The following WDFY2 variants were observed in gnomAD, a reference collection of about 807,000 sequenced individuals.
The protein encoded by WDFY2 is WD repeat and FYVE domain containing 2, also known as WD repeat and FYVE domain-containing protein 2.
In WDFY2, 36 loss-of-function variants were observed where a neutral mutation model predicts 56.4. That is an observed-to-expected ratio of 0.64 (90% CI 0.49 to 0.84). The LOEUF (loss-of-function observed/expected upper bound fraction) is 0.84. Among genes scored for constraint, WDFY2 ranks in the 40% least tolerant of loss-of-function variants. The pLI, the probability that WDFY2 is intolerant of heterozygous loss-of-function variation, is 0.00. For synonymous variants in WDFY2, 176 were observed against 183.7 expected, an observed-to-expected ratio of 0.96 and a Z score of 0.34; for missense variants, 444 against 512.2, an observed-to-expected ratio of 0.87 and a Z score of 1.29.
intron 1 of WDFY2, among the ~76,000 whole-genome samples, chr13:51,648,721 G>A (rs566195725): frequency 7.2e-5 from 11 of 152,188 alleles, no homozygotes; most frequent in South Asian, 2.1e-4. Context: ...CATGTATCCC[G>A]GAACTTAAAG....
At chr13:51,653,952 A>T (rs1459009544) in intron 1 of WDFY2, among the ~76,000 whole-genome samples, 1 of 152,206 alleles carries the variant, frequency 6.6e-6, no homozygotes, top group Admixed American at 6.5e-5. Flanking sequence ...GGGACATGTA[A>T]GTCTGCAGAG....
chr13:51,709,137 G>A (rs1300026582), intron 4 of WDFY2, among the ~76,000 whole-genome samples: 1 of 152,160 alleles, frequency 6.6e-6, no homozygotes, highest in East Asian at 1.9e-4. Context: ...CAGCAGACTT[G>A]AACAAAACAG....
rs1952752014 is a variant in WDFY2 at position 51,732,767 on chromosome 13, A to G, written c.598+4977A>G. On this transcript the variant is annotated intron_variant, in intron 6 of 11. Coordinates refer to ENST00000298125, the MANE Select transcript of WDFY2 (RefSeq NM_052950.4). The stretch of plus-strand genomic sequence containing the variant: ...ATAAAGTGCAGGTCAAGAGATGTGA[A>G]TTGTCATCCATAGTCAGTCATCCGC... 2.0e-5 allele frequency among the ~76,000 whole-genome samples: 3 copies of G among 152,220 alleles called. No homozygotes were observed. In the South Asian group the frequency reaches 6.2e-4, roughly 32 times the overall value.
chr13:51,725,596 A>G (rs374030875), intron 5 of WDFY2, among the ~76,000 whole-genome samples: 48 of 152,008 alleles, frequency 3.2e-4, no homozygotes, highest in Non-Finnish European at 4.7e-4. Flanking sequence ...TGATAGGTTC[A>G]TTCATTTTAC....
chr13:51,636,559 G>C (rs538020368), intron 1 of WDFY2, among the ~76,000 whole-genome samples: 1 of 152,326 alleles, frequency 6.6e-6, no homozygotes, highest in East Asian at 1.9e-4. Flanking sequence ...GTACTCATGA[G>C]ACTCCACAAA....
intron 1 of WDFY2, among the ~76,000 whole-genome samples, chr13:51,657,733 T>G (rs1049966885): frequency 6.6e-6 from 1 of 152,228 alleles, no homozygotes; most frequent in East Asian, 1.9e-4. Flanking sequence ...AACCTGCTGT[T>G]GAGCCTCATT....
intron 3 of WDFY2, among the ~76,000 whole-genome samples, chr13:51,690,555 A>AT: frequency 6.6e-6 from 1 of 151,934 alleles, no homozygotes; most frequent in Non-Finnish European, 1.5e-5. Flanking sequence ...ATAGTATTCC[A>AT]TGGTGTATAT....
chr13:51,714,558 G>C (rs762230995), intron 4 of WDFY2, among the ~76,000 whole-genome samples: 49 of 152,118 alleles, frequency 3.2e-4, no homozygotes, highest in Admixed American at 1.4e-3. Context: ...CTCCCAAATT[G>C]CTGGGATTAC....
intron 5 of WDFY2, among the ~76,000 whole-genome samples, chr13:51,726,708 G>A (rs1462080668): frequency 6.6e-6 from 1 of 152,218 alleles, no homozygotes; most frequent in Non-Finnish European, 1.5e-5. Flanking sequence ...AACTTCGTAA[G>A]CCGACTTTCA....
intron 3 of WDFY2, among the ~76,000 whole-genome samples, chr13:51,697,620 A>T (rs1951902406): frequency 6.6e-6 from 1 of 151,758 alleles, no homozygotes; most frequent in African/African-American, 2.4e-5. Flanking sequence ...GTGACAAAGC[A>T]AGATCCTGCC....
intron 1 of WDFY2, among the ~76,000 whole-genome samples, chr13:51,637,918 T>G (rs912627925): frequency 6.6e-6 from 1 of 152,252 alleles, no homozygotes; most frequent in African/African-American, 2.4e-5. Context: ...TGGGTCTGTT[T>G]AGTAAACATT....
chr13:51,663,136 C>CTCTG (rs1402003348), intron 2 of WDFY2, among the ~76,000 whole-genome samples: 1 of 152,148 alleles, frequency 6.6e-6, no homozygotes, highest in African/African-American at 2.4e-5. Flanking sequence ...ACCTCTCTCT[C>CTCTG]TCTGTCTCCA....
intron 8 of WDFY2, among the ~76,000 whole-genome samples, chr13:51,754,336 C>T (rs140629415): frequency 3.0e-4 from 45 of 152,218 alleles, no homozygotes; most frequent in African/African-American, 1.0e-3. Context: ...ATATGTGTCC[C>T]GTCACAGACC....
At chr13:51,590,923 C>A (rs1288414497) in intron 1 of WDFY2, 1 of 152,014 alleles carries the variant, frequency 6.6e-6, no homozygotes, top group Non-Finnish European at 1.5e-5. Flanking sequence ...ACCAGTAAGA[C>A]CAAAAAAGAA....
At chr13:51,742,579 T>A (rs1413020280) in intron 7 of WDFY2, among the ~76,000 whole-genome samples, 1 of 152,236 alleles carries the variant, frequency 6.6e-6, no homozygotes, top group Admixed American at 6.5e-5. Flanking sequence ...GTACTTGGTC[T>A]TTTTAGAACC....
At chr13:51,706,710 C>T (rs1387305599) in intron 4 of WDFY2, among the ~76,000 whole-genome samples, 2 of 152,202 alleles carry the variant, frequency 1.3e-5, no homozygotes, top group Non-Finnish European at 1.5e-5. Context: ...CATAAGACCC[C>T]ACGGTTACTT....
chr13:51,655,334 A>G (rs184719550), intron 1 of WDFY2, among the ~76,000 whole-genome samples: 6 of 152,026 alleles, frequency 3.9e-5, no homozygotes, highest in Admixed American at 1.3e-4. Context: ...TGGATTTTTC[A>G]TGAATATCCT....
At chr13:51,670,626 A>G (rs543063714) in intron 2 of WDFY2, among the ~76,000 whole-genome samples, 40 of 152,154 alleles carry the variant, frequency 2.6e-4, no homozygotes, top group African/African-American at 9.4e-4. Flanking sequence ...TCTAACTCTG[A>G]CACTCCCCTT....
At position 51,642,863 on chromosome 13, in the gene WDFY2, A is replaced by G. The variant is rs1429424242; in HGVS notation, c.138-17733A>G. On this transcript the variant is annotated intron_variant, in intron 1 of 11. Coordinates refer to ENST00000298125, the MANE Select transcript of WDFY2 (RefSeq NM_052950.4). ...ACCCAGCTAATTTTTGTATTTTTAG[A>G]GATGGGGTTTCACCATGTTGGCCAG... Among the ~76,000 whole-genome samples, 3 of 151,692 alleles carry G rather than the reference A, an allele frequency of 2.0e-5. No homozygotes were observed. The East Asian group carries it at 5.8e-4, about 29-fold the overall frequency.
Sources: allele counts gnomAD v4.1 joint callset (sites outside exome capture counted in the v4.1 genomes callset), GRCh38; gene constraint gnomAD v4.1.1; transcripts MANE v1.5; gene names NCBI Gene and HGNC (gene_info 2026-07-23, HGNC 2026-07-21).